Variants in LRRC37A2 observed in about 807,000 individuals in gnomAD.
LRRC37A2 encodes the protein leucine-rich repeat-containing protein 37A2.
LRRC37A2 carries 9 observed loss-of-function variants against 68.8 expected under a neutral mutation model. The observed-to-expected ratio is 0.13, with a 90% confidence interval of 0.08 to 0.23. LRRC37A2 has a LOEUF of 0.23. LRRC37A2 is among the 10% of genes least tolerant of loss of function. The pLI, the probability that LRRC37A2 is intolerant of heterozygous loss-of-function variation, is 1.00. For synonymous variants in LRRC37A2, 63 were observed against 367.6 expected (o/e 0.17, Z 9.48); for missense variants, 168 against 950.4 (o/e 0.18, Z 10.82).
chr17:46,816,469 ACACACG>A, the LRRC37A2 span, among the ~76,000 whole-genome samples: 1 of 77,402 alleles, frequency 1.3e-5, no homozygotes, highest in African/African-American at 7.2e-5. Context: ...TAGACCCAGA[ACACACG>A]CACACACACA....
At chr17:46,965,328 C>T in the LRRC37A2 span, among the ~76,000 whole-genome samples, 6 of 152,240 alleles carry the variant, frequency 3.9e-5, no homozygotes, top group Non-Finnish European at 8.8e-5. Context: ...CTGCTCATGA[C>T]AAAGCCTGAG....
At chr17:46,888,914 A>C in the LRRC37A2 span, among the ~76,000 whole-genome samples, 6 of 152,200 alleles carry the variant, frequency 3.9e-5, no homozygotes, top group South Asian at 1.2e-3. Flanking sequence ...CCCATTTTAC[A>C]GATGAAGAAA....
chr17:46,891,495 A>T, the LRRC37A2 span, among the ~76,000 whole-genome samples: 1 of 152,124 alleles, frequency 6.6e-6, no homozygotes, highest in Non-Finnish European at 1.5e-5. Flanking sequence ...CACCATCTGC[A>T]ACGTCCTCAG....
chr17:46,922,348 G>A, the LRRC37A2 span, among the ~76,000 whole-genome samples: 1 of 152,100 alleles, frequency 6.6e-6, no homozygotes, highest in Non-Finnish European at 1.5e-5. Flanking sequence ...TGGGGAGAGG[G>A]GGAAGGGATA....
chr17:46,978,067 C>T, the LRRC37A2 span: 1 of 153,210 alleles, frequency 6.5e-6, no homozygotes, highest in African/African-American at 2.4e-5. Flanking sequence ...CACGCAGGGG[C>T]TAGATGTCTC....
the LRRC37A2 span, among the ~76,000 whole-genome samples, chr17:46,981,623 G>A: frequency 1.3e-5 from 2 of 152,178 alleles, no homozygotes; most frequent in African/African-American, 2.4e-5. Flanking sequence ...AGCAGACTAA[G>A]ACACCCATAC....
chr17:46,941,948 T>A, the LRRC37A2 span: 1 of 985,282 alleles, frequency 1.0e-6, no homozygotes. Flanking sequence ...AGCTTCTGTC[T>A]CAAAGATGAT....
chr17:46,730,663 CA>C, the LRRC37A2 span, among the ~76,000 whole-genome samples: 3 of 151,518 alleles, frequency 2.0e-5, no homozygotes, highest in Non-Finnish European at 2.9e-5. Flanking sequence ...ACCTTATCAA[CA>C]AAAAAAAATT....
At chr17:46,872,759 G>T in the LRRC37A2 span, 1 of 1,606,014 alleles carries the variant, frequency 6.2e-7, no homozygotes, top group Non-Finnish European at 8.5e-7. Context: ...GGCAGGATGG[G>T]CCTGCTCAAG....
chr17:46,978,902 G>A, the LRRC37A2 span: 1 of 1,498,046 alleles, frequency 6.7e-7, no homozygotes. Flanking sequence ...CAGCAGCCCA[G>A]CCACGTGCCC....
the LRRC37A2 span, among the ~76,000 whole-genome samples, chr17:46,826,817 C>T: frequency 1.4e-5 from 2 of 139,582 alleles, no homozygotes; most frequent in Non-Finnish European, 1.5e-5. Flanking sequence ...AAGTCTCGCT[C>T]TATCACCCAG....
the LRRC37A2 span, among the ~76,000 whole-genome samples, chr17:46,896,035 T>C: frequency 1.3e-5 from 2 of 151,890 alleles, no homozygotes; most frequent in African/African-American, 2.4e-5. Flanking sequence ...TCCCAGCACT[T>C]TGGGAGGCCA....
chr17:46,811,934 G>C, the LRRC37A2 span, among the ~76,000 whole-genome samples: 2 of 152,158 alleles, frequency 1.3e-5, no homozygotes, highest in Non-Finnish European at 2.9e-5. Flanking sequence ...TCCAGCCTGG[G>C]CGACAGAGCA....
chr17:46,775,609 CTTT>C, the LRRC37A2 span, among the ~76,000 whole-genome samples: 3 of 111,622 alleles, frequency 2.7e-5, no homozygotes, highest in Admixed American at 1.8e-4. Flanking sequence ...GCCAGAAGTT[CTTT>C]TTTTTTTTTT....
the LRRC37A2 span, among the ~76,000 whole-genome samples, chr17:46,748,162 C>T: frequency 6.6e-6 from 1 of 152,044 alleles, no homozygotes; most frequent in East Asian, 1.9e-4. Context: ...GGCTGGAGTG[C>T]AATGGCGTGA....
chr17:46,733,108 C>CA, the LRRC37A2 span, among the ~76,000 whole-genome samples: 1 of 152,228 alleles, frequency 6.6e-6, no homozygotes, highest in Non-Finnish European at 1.5e-5. Context: ...GGCTTGAAGA[C>CA]ACCCCTCCTT....
the LRRC37A2 span, among the ~76,000 whole-genome samples, chr17:46,851,996 C>T: frequency 6.6e-6 from 1 of 152,188 alleles, no homozygotes; most frequent in Non-Finnish European, 1.5e-5. This position sits in a 1 kb window ranked among gnomAD's most constrained non-coding sequence, Gnocchi z 4.3. Context: ...TCGGACTCTG[C>T]GCACGCCTCG....
At chr17:46,894,916 A>G in the LRRC37A2 span, among the ~76,000 whole-genome samples, 1 of 152,222 alleles carries the variant, frequency 6.6e-6, no homozygotes, top group Admixed American at 6.5e-5. Flanking sequence ...GCAAGCCGGA[A>G]TGCACGGGGT....
chr17:46,839,904 A>G, the LRRC37A2 span, among the ~76,000 whole-genome samples: 3 of 143,022 alleles, frequency 2.1e-5, no homozygotes, highest in African/African-American at 7.8e-5. Flanking sequence ...TATGTGCCAC[A>G]TTTTCTCTTT....
Sources: allele counts gnomAD v4.1 joint callset (sites outside exome capture counted in the v4.1 genomes callset), GRCh38; gene constraint gnomAD v4.1.1; non-coding constraint Gnocchi (gnomAD v3.1); transcripts MANE v1.5; gene names NCBI Gene and HGNC (gene_info 2026-07-23, HGNC 2026-07-21).